SLC17A1: variants seen among roughly 807,000 people sequenced by gnomAD.
The protein encoded by SLC17A1 is sodium-dependent phosphate transport protein 1.
Under a neutral mutation model 53.5 loss-of-function variants are expected in SLC17A1, and 51 were observed. That is an observed-to-expected ratio of 0.95 (90% CI 0.76 to 1.20). The LOEUF (loss-of-function observed/expected upper bound fraction) is 1.20. Among genes scored for constraint, SLC17A1 ranks in the 50% most tolerant of loss-of-function variants. SLC17A1 has a pLI of 0.00. For synonymous variants in SLC17A1, 179 were observed against 198.8 expected (o/e 0.90, Z 0.84); for missense variants, 538 against 568.2 (o/e 0.95, Z 0.54).
intron 1 of SLC17A1, 111 bp from the exon 2 acceptor site, chr6:25,830,718 T>C (rs1475193408): frequency 3.3e-6 from 2 of 607,798 alleles, no homozygotes; most frequent in East Asian, 2.6e-5. Context: ...ACTTGCTCCA[T>C]CACAGCAGTG....
At chr6:25,739,428 T>G in the SLC17A1 span, among the ~76,000 whole-genome samples, 1 of 152,142 alleles carries the variant, frequency 6.6e-6, no homozygotes, top group East Asian at 1.9e-4. Flanking sequence ...CACAAACATA[T>G]GAACTAAGGG....
the SLC17A1 span, chr6:25,776,703 A>G: frequency 6.2e-7 from 1 of 1,613,928 alleles, no homozygotes; most frequent in Non-Finnish European, 8.5e-7. Context: ...ACTCATCACC[A>G]TCAGGAAACT....
At position 25,810,787 on chromosome 6, in the gene SLC17A1, A is replaced by G. The variant is rs551498506; in HGVS notation, c.1178+611T>C. On this transcript the variant is annotated intron_variant, in intron 10 of 12. Transcript: ENST00000244527. ...AAGGAAATGAAGTGAGAATGTCAAA[A>G]GAGATATCTGCACTACCACGTTCAT... Among the ~76,000 whole-genome samples, 6 of 152,302 alleles carry G rather than the reference A, an allele frequency of 3.9e-5. No homozygotes were observed. In the East Asian group the frequency reaches 1.2e-3, roughly 29 times the overall value.
In SLC17A1 at chr6:25,811,441, A is replaced by C. The variant is rs865972959; in HGVS notation, c.1135T>G (p.Cys379Gly). 1 of 1,613,938 alleles carries C rather than the reference A, an allele frequency of 6.2e-7. No individual in the cohort carries two copies. The highest frequency in any genetic ancestry group is 1.3e-5 in the African/African-American group (1 of 75,012). Residue 379 changes from cysteine (C) to glycine (G), a missense_variant, in exon 10 of 13, where the codon TGC (cysteine) becomes GGC (glycine). Transcript: ENST00000244527. ...CCATTTATAAACACTCCACCCAAGCAAAAGCTGCCTGTTGCACCAGCAAGT... is the reference window on the plus strand; with the variant it reads ...CCATTTATAAACACTCCACCCAAGCCAAAGCTGCCTGTTGCACCAGCAAGT... ...LILAGATGSF[C>G]LGGVFINGLD...
At chr6:25,800,865 A>C (rs1350958996) in intron 11 of SLC17A1, 25 bp downstream of exon 11, 1 of 1,389,622 alleles carries the variant, frequency 7.2e-7, no homozygotes, top group South Asian at 1.2e-5. Flanking sequence ...TTGGAAAAAT[A>C]ACTACACATC....
At chr6:25,772,671 C>T in the SLC17A1 span, among the ~76,000 whole-genome samples, 4 of 152,102 alleles carry the variant, frequency 2.6e-5, no homozygotes, top group Admixed American at 2.0e-4. Flanking sequence ...CTGCTGCTCA[C>T]TCTTATGTGC....
At chr6:25,730,029 G>A in the SLC17A1 span, among the ~76,000 whole-genome samples, 1 of 152,124 alleles carries the variant, frequency 6.6e-6, no homozygotes, top group Non-Finnish European at 1.5e-5. Flanking sequence ...GTGTGATATA[G>A]TAATATTTGT....
At chr6:25,726,485 A>G in the SLC17A1 span, 1 of 1,613,046 alleles carries the variant, frequency 6.2e-7, no homozygotes, top group Non-Finnish European at 8.5e-7. Flanking sequence ...CGAGACTTAG[A>G]CTTGGCGCGT....
intron 2 of SLC17A1, among the ~76,000 whole-genome samples, chr6:25,829,545 A>C (rs1764871955): frequency 6.6e-6 from 1 of 152,180 alleles, no homozygotes; most frequent in South Asian, 2.1e-4. Flanking sequence ...TCACCATGTC[A>C]GAGAAGGGCT....
the SLC17A1 span, chr6:25,773,756 C>G: frequency 6.9e-7 from 1 of 1,458,564 alleles, no homozygotes; most frequent in South Asian, 1.3e-5. Flanking sequence ...CTGTCTGTCC[C>G]ATAGTCACAA....
At chr6:25,814,338 A>C (rs1223509689) in intron 6 of SLC17A1, among the ~76,000 whole-genome samples, 1 of 152,184 alleles carries the variant, frequency 6.6e-6, no homozygotes, top group Non-Finnish European at 1.5e-5. Context: ...TGTAGTGGAC[A>C]AAAAAGAAAA....
the SLC17A1 span, chr6:25,769,212 A>T: frequency 0.029 from 45,873 of 1,592,766 alleles, 1,345 homozygotes; most frequent in African/African-American, 0.15. Context: ...GAGACTCTGG[A>T]CTCTTTCTTT....
At chr6:25,749,389 G>T in the SLC17A1 span, among the ~76,000 whole-genome samples, 1 of 152,184 alleles carries the variant, frequency 6.6e-6, no homozygotes. Context: ...CAAAGCAATT[G>T]TTCAGGGTAC....
At chr6:25,796,360 G>T (rs1581453981) in intron 12 of SLC17A1, among the ~76,000 whole-genome samples, 2 of 151,900 alleles carry the variant, frequency 1.3e-5, no homozygotes, top group African/African-American at 4.8e-5. Context: ...AAATTTTTGT[G>T]AGTACACCAT....
chr6:25,727,257 A>G, the SLC17A1 span: 3 of 1,610,716 alleles, frequency 1.9e-6, no homozygotes, highest in Non-Finnish European at 2.5e-6. Flanking sequence ...GTCTGAGGGC[A>G]CCAAGGCTGT....
chr6:25,756,639 A>G, the SLC17A1 span, among the ~76,000 whole-genome samples: 13 of 152,050 alleles, frequency 8.5e-5, no homozygotes, highest in African/African-American at 3.1e-4. Flanking sequence ...CGCCAGCAAA[A>G]CCATTATCGC....
At chr6:25,823,456 C>T (rs1388463540) in intron 3 of SLC17A1, among the ~76,000 whole-genome samples, 1 of 152,002 alleles carries the variant, frequency 6.6e-6, no homozygotes, top group Non-Finnish European at 1.5e-5. Context: ...AATTCTAGTT[C>T]CTCCACATTC....
the SLC17A1 span, among the ~76,000 whole-genome samples, chr6:25,760,035 T>C: frequency 2.0e-5 from 3 of 152,202 alleles, no homozygotes; most frequent in Non-Finnish European, 2.9e-5. Flanking sequence ...GAAGCAGCAA[T>C]ACAAGTGGGA....
the SLC17A1 span, among the ~76,000 whole-genome samples, chr6:25,746,702 G>T: frequency 6.6e-6 from 1 of 152,108 alleles, no homozygotes; most frequent in Non-Finnish European, 1.5e-5. Context: ...CATACTTTTG[G>T]ATGACTTAAT....
Sources: gnomAD v4.1 joint callset for allele counts (sites outside exome capture counted in the v4.1 genomes callset) on GRCh38, gnomAD v4.1.1 for gene constraint, MANE v1.5 for transcripts, NCBI Gene and HGNC (gene_info 2026-07-23, HGNC 2026-07-21) for gene names.